Variants in PLPPR5 observed in about 807,000 individuals in gnomAD.
The protein encoded by PLPPR5 is phospholipid phosphatase related 5, also known as phospholipid phosphatase-related protein type 5.
Under a neutral mutation model 33.9 loss-of-function variants are expected in PLPPR5, and 16 were observed. The ratio of observed to expected loss-of-function variants is 0.47; its 90% CI spans 0.32 to 0.72. PLPPR5 has a LOEUF of 0.72. Ranked by LOEUF, PLPPR5 falls within the 30% of genes least tolerant of loss-of-function variation. The pLI, the probability that PLPPR5 is intolerant of heterozygous loss-of-function variation, is 0.03. For synonymous variants in PLPPR5, 163 were observed against 150.3 expected, an observed-to-expected ratio of 1.08 and a Z score of -0.62; for missense variants, 301 against 406.7, an observed-to-expected ratio of 0.74 and a Z score of 2.23.
intron 3 of PLPPR5, among the ~76,000 whole-genome samples, chr1:98,923,801 T>C (rs1265518880): frequency 6.6e-6 from 1 of 152,138 alleles, no homozygotes; most frequent in African/African-American, 2.4e-5. Context: ...CAGGAAGAGA[T>C]GAGAAAGAGA....
intron 1 of PLPPR5, among the ~76,000 whole-genome samples, chr1:98,972,739 T>A (rs938185991): frequency 7.3e-5 from 11 of 151,678 alleles, no homozygotes; most frequent in Non-Finnish European, 1.2e-4. Context: ...TTCAGGGGAG[T>A]CAGGGCCATC....
intron 1 of PLPPR5, among the ~76,000 whole-genome samples, chr1:98,989,934 C>T (rs1652392505): frequency 3.3e-5 from 5 of 152,044 alleles, no homozygotes. Flanking sequence ...CAAATAAAAG[C>T]CAATTAAGAT....
intron 1 of PLPPR5, among the ~76,000 whole-genome samples, chr1:98,960,179 T>C (rs1651180485): frequency 1.3e-5 from 2 of 151,934 alleles, no homozygotes; most frequent in Non-Finnish European, 2.9e-5. Context: ...ACTCCAATTG[T>C]TTACTGCTCT....
intron 3 of PLPPR5, among the ~76,000 whole-genome samples, chr1:98,928,304 A>G (rs1463854660): frequency 2.0e-5 from 3 of 151,998 alleles, no homozygotes; most frequent in African/African-American, 7.2e-5. Flanking sequence ...TGTAAATTTT[A>G]TATCTAAATA....
chr1:98,936,492 C>CT (rs981763774), intron 3 of PLPPR5, among the ~76,000 whole-genome samples: 46 of 152,308 alleles, frequency 3.0e-4, no homozygotes, highest in African/African-American at 1.1e-3. Flanking sequence ...GAATTGTTTA[C>CT]TGGTGTGTAA....
At chr1:98,934,235 T>C (rs575970547) in intron 3 of PLPPR5, among the ~76,000 whole-genome samples, 34 of 152,154 alleles carry the variant, frequency 2.2e-4, no homozygotes, top group Admixed American at 6.5e-4. Flanking sequence ...GGACATATAG[T>C]GAGGGAGCAG....
intron 3 of PLPPR5, among the ~76,000 whole-genome samples, chr1:98,924,335 C>T (rs984541985): frequency 6.6e-6 from 1 of 152,070 alleles, no homozygotes; most frequent in Non-Finnish European, 1.5e-5. Context: ...AAAAGACAGG[C>T]GTAAATGGAA....
At chr1:98,962,852 G>T (rs565169323) in intron 1 of PLPPR5, among the ~76,000 whole-genome samples, 27 of 152,052 alleles carry the variant, frequency 1.8e-4, no homozygotes, top group Admixed American at 3.3e-4. Flanking sequence ...TTTTTGTAGA[G>T]AGATCAGGTC....
At chr1:98,941,495 A>G (rs1419128153) in intron 3 of PLPPR5, among the ~76,000 whole-genome samples, 1 of 151,166 alleles carries the variant, frequency 6.6e-6, no homozygotes, top group Non-Finnish European at 1.5e-5. Flanking sequence ...CTTTCTAGAA[A>G]TTTCTTTCAA....
At chr1:98,959,332 C>T (rs10489919) in intron 1 of PLPPR5, among the ~76,000 whole-genome samples, 4,909 of 152,322 alleles carry the variant, frequency 0.032, 196 homozygotes, top group East Asian at 0.14. Flanking sequence ...CAGCACATTT[C>T]ACCTTGCGGA....
Position 98,924,277 on chromosome 1 carries a change from CTTA to C in PLPPR5, c.622-2222_622-2220del, listed in dbSNP as rs1166322792. Among the ~76,000 whole-genome samples the C allele has an allele frequency of 2.0e-5, 3 of 152,222 alleles. No individual in the cohort carries two copies. In the East Asian group the frequency reaches 5.8e-4, roughly 29 times the overall value. ...GGTTAAAAACTGAATCAAGATAAAG[CTTA>C]TTATGAAGAGTACACAATTTGATGA... On this transcript the variant is annotated intron_variant, in intron 3 of 5. Coordinates refer to ENST00000263177, the MANE Select transcript of PLPPR5 (RefSeq NM_001037317.2).
At chr1:98,906,998 G>A (rs773414521) in intron 5 of PLPPR5, among the ~76,000 whole-genome samples, 30 of 151,792 alleles carry the variant, frequency 2.0e-4, no homozygotes, top group Admixed American at 7.9e-4. Flanking sequence ...TAATATAACC[G>A]TCAACATTTT....
chr1:98,899,682 G>A lies in PLPPR5; in HGVS notation c.934-6578C>T, dbSNP rs561249623. ...TGTTTTTTTTTTTTTTTTTTGAGAC[G>A]GAATCTTGCTCTGTCGCCCAGGCTG... On this transcript the variant is annotated intron_variant, in intron 5 of 5. Coordinates refer to ENST00000263177, the MANE Select transcript of PLPPR5 (RefSeq NM_001037317.2). Among the ~76,000 whole-genome samples the A allele has an allele frequency of 1.8e-4, 25 of 135,768 alleles. 1 individual carries two copies. The highest frequency in any genetic ancestry group is 7.7e-4 in the Admixed American group (10 of 12,980). The allele number at this position is 135,768 out of a possible 152,430, so 89.1% of individuals were successfully genotyped here. A position where few individuals can be genotyped will look rare whatever the true frequency, so the allele number is the denominator to read the frequency against.
At chr1:98,909,050 T>C (rs2101145049) in intron 5 of PLPPR5, among the ~76,000 whole-genome samples, 1 of 151,194 alleles carries the variant, frequency 6.6e-6, no homozygotes, top group South Asian at 2.1e-4. Context: ...TATTTCATTG[T>C]AGAAAGAAGG....
intron 3 of PLPPR5, among the ~76,000 whole-genome samples, chr1:98,930,305 G>A (rs777736892): frequency 6.6e-5 from 10 of 152,130 alleles, no homozygotes; most frequent in Admixed American, 2.0e-4. Flanking sequence ...GCTGTCTGAA[G>A]TACTTAAATC....
chr1:98,916,529 C>T (rs1220835689), intron 4 of PLPPR5, among the ~76,000 whole-genome samples: 2 of 152,196 alleles, frequency 1.3e-5, no homozygotes, highest in Non-Finnish European at 2.9e-5. Flanking sequence ...GCCTTACAAC[C>T]TTTGCAGCAA....
intron 1 of PLPPR5, among the ~76,000 whole-genome samples, chr1:98,959,655 TC>T (rs1312656994): frequency 6.6e-6 from 1 of 152,128 alleles, no homozygotes; most frequent in Non-Finnish European, 1.5e-5. Flanking sequence ...ATACATGATT[TC>T]CCCAGTTGTC....
chr1:98,908,207 T>C (rs1648978321), intron 5 of PLPPR5, among the ~76,000 whole-genome samples: 1 of 152,194 alleles, frequency 6.6e-6, no homozygotes, highest in African/African-American at 2.4e-5. Context: ...CACAGAATTT[T>C]AGCTACCTGT....
chr1:98,944,541 C>G (rs1650487914), intron 3 of PLPPR5, among the ~76,000 whole-genome samples: 1 of 152,186 alleles, frequency 6.6e-6, no homozygotes, highest in Non-Finnish European at 1.5e-5. Context: ...CAGGCCCTTG[C>G]CAGACACTAA....
Sources: allele counts gnomAD v4.1 joint callset (sites outside exome capture counted in the v4.1 genomes callset), GRCh38; gene constraint gnomAD v4.1.1; transcripts MANE v1.5; gene names NCBI Gene and HGNC (gene_info 2026-07-23, HGNC 2026-07-21).